The following MAST4 variants were observed in gnomAD, a reference collection of about 807,000 sequenced individuals.
MAST4 encodes microtubule associated serine/threonine kinase family member 4.
Under a neutral mutation model 162.7 loss-of-function variants are expected in MAST4, and 89 were observed. The ratio of observed to expected loss-of-function variants is 0.55; its 90% CI spans 0.46 to 0.65. MAST4 has a LOEUF of 0.65. MAST4 is among the 30% of genes least tolerant of loss of function. The pLI, the probability that MAST4 is intolerant of heterozygous loss-of-function variation, is 0.00. For missense variants in MAST4, 3,153 were observed against 3,374.0 expected (o/e 0.93, Z 1.62); for synonymous variants, 1,479 against 1,361.1 (o/e 1.09, Z -1.91).
chr5:67,101,328 TC>T (rs1765006367), intron 8 of MAST4, among the ~76,000 whole-genome samples: 1 of 152,200 alleles, frequency 6.6e-6, no homozygotes, highest in Admixed American at 6.5e-5. Context: ...AAATGCGACT[TC>T]TTTTATATCC....
chr5:66,886,725 T>C (rs1260947780), intron 3 of MAST4, among the ~76,000 whole-genome samples: 1 of 150,046 alleles, frequency 6.7e-6, no homozygotes, highest in Non-Finnish European at 1.5e-5. Context: ...ACTTGGTTAG[T>C]GTAATAGAAA....
intron 3 of MAST4, among the ~76,000 whole-genome samples, chr5:66,870,389 C>T (rs149681673): frequency 6.6e-6 from 1 of 152,174 alleles, no homozygotes; most frequent in African/African-American, 2.4e-5. Context: ...AAGAAGACTC[C>T]GCAGTGCTTT....
intron 3 of MAST4, among the ~76,000 whole-genome samples, chr5:66,803,788 A>G (rs1159528242): frequency 1.3e-5 from 2 of 152,046 alleles, no homozygotes; most frequent in Admixed American, 6.5e-5. Flanking sequence ...TCCTTTTCCA[A>G]TCTTTGTAGC....
At chr5:66,697,293 A>G (rs1476521449) in intron 1 of MAST4, among the ~76,000 whole-genome samples, 2 of 152,262 alleles carry the variant, frequency 1.3e-5, no homozygotes, top group Non-Finnish European at 1.5e-5. Context: ...TTAAGGAACC[A>G]GTATTTTCCA....
At chr5:66,744,613 T>G (rs1362407544) in intron 1 of MAST4, among the ~76,000 whole-genome samples, 1 of 151,918 alleles carries the variant, frequency 6.6e-6, no homozygotes, top group East Asian at 1.9e-4. Context: ...TGATGAAAGG[T>G]GAAGGGAAAG....
At chr5:66,944,082 A>G (rs946046146) in intron 4 of MAST4, among the ~76,000 whole-genome samples, 2 of 152,018 alleles carry the variant, frequency 1.3e-5, no homozygotes, top group African/African-American at 4.8e-5. Flanking sequence ...TTTCGAGGGT[A>G]TTTTCTGATT....
At position 66,624,658 on chromosome 5, in the gene MAST4, T is replaced by C. The variant is rs1048473423; in HGVS notation, c.363+27640T>C. 4.6e-5 allele frequency among the ~76,000 whole-genome samples: 7 copies of C among 152,192 alleles called. No individual in the cohort carries two copies. In the South Asian group the frequency reaches 6.2e-4, roughly 13 times the overall value. On this transcript the variant is annotated intron_variant, in intron 1 of 28. Transcript: ENST00000403625. The stretch of plus-strand genomic sequence containing the variant: ...GACTTCAAATTATATTACAACGCTA[T>C]AGTAATCACAACAGCATGGTACTGC...
At chr5:66,751,409 G>T (rs1241696442) in intron 1 of MAST4, among the ~76,000 whole-genome samples, 1 of 152,146 alleles carries the variant, frequency 6.6e-6, no homozygotes, top group African/African-American at 2.4e-5. Flanking sequence ...AAATTTAGAA[G>T]AATGTATAAC....
chr5:66,651,835 C>G (rs1389019420), intron 1 of MAST4, among the ~76,000 whole-genome samples: 1 of 152,194 alleles, frequency 6.6e-6, no homozygotes, highest in Non-Finnish European at 1.5e-5. Context: ...TTCCTCACTG[C>G]TGTGGGACTG....
chr5:67,043,691 A>C (rs1293987493), intron 4 of MAST4, among the ~76,000 whole-genome samples: 1 of 152,236 alleles, frequency 6.6e-6, no homozygotes, highest in Non-Finnish European at 1.5e-5. Flanking sequence ...TAATATACTT[A>C]CATTGAGTAC....
chr5:66,603,084 A>G (rs1286815074), intron 1 of MAST4, among the ~76,000 whole-genome samples: 1 of 152,206 alleles, frequency 6.6e-6, no homozygotes, highest in Non-Finnish European at 1.5e-5. Context: ...CAGGTACATA[A>G]TAAGCAAGAA....
At chr5:66,707,706 G>T (rs1218772964) in intron 1 of MAST4, among the ~76,000 whole-genome samples, 1 of 152,140 alleles carries the variant, frequency 6.6e-6, no homozygotes, top group Non-Finnish European at 1.5e-5. Flanking sequence ...TGAATTCTGA[G>T]TTCTGGGGGT....
intron 3 of MAST4, among the ~76,000 whole-genome samples, chr5:66,829,394 T>A (rs997637186): frequency 6.6e-6 from 1 of 152,166 alleles, no homozygotes; most frequent in Non-Finnish European, 1.5e-5. Flanking sequence ...AATTTGTTTA[T>A]GTTGAGATGA....
intron 4 of MAST4, among the ~76,000 whole-genome samples, chr5:66,901,787 A>G (rs1035501302): frequency 2.0e-5 from 3 of 152,128 alleles, no homozygotes; most frequent in Admixed American, 6.5e-5. Flanking sequence ...ATTAAGCACA[A>G]ATATTCCCCA....
At chr5:66,940,522 C>T (rs562402503) in intron 4 of MAST4, among the ~76,000 whole-genome samples, 13 of 152,124 alleles carry the variant, frequency 8.5e-5, no homozygotes, top group Non-Finnish European at 1.5e-4. Context: ...GGAGTAAATT[C>T]TACCTCAAGA....
rs1413599199 is a variant in MAST4, at chr5:66,913,488, T to TTAGTCAA, written c.674+13506_674+13507insTAGTCAA. Among the ~76,000 whole-genome samples, 455 of 152,340 alleles carry TTAGTCAA rather than the reference T, an allele frequency of 3.0e-3. 1 individual carries two copies. Among genetic ancestry groups the TTAGTCAA allele is most frequent in the African/African-American group, 0.01 (418 of 41,572 alleles). ...AGAGTTGTTTTGCTAAGTAATATCC[T>TTAGTCAA]ATTGAATGACTGTGTCAGTTTCATT... On this transcript the variant is annotated intron_variant, in intron 4 of 28. Transcript: ENST00000403625.
intron 11 of MAST4, among the ~76,000 whole-genome samples, chr5:67,111,604 AAC>A (rs1766255575): frequency 6.6e-6 from 1 of 152,198 alleles, no homozygotes. Context: ...ATGGTTAGTT[AAC>A]TTTTTACTGC....
chr5:66,786,880 C>T (rs1242473658), intron 2 of MAST4, among the ~76,000 whole-genome samples: 1 of 152,154 alleles, frequency 6.6e-6, no homozygotes, highest in Non-Finnish European at 1.5e-5. Flanking sequence ...ACATTTGCTA[C>T]ATTTATTTGC....
In MAST4 at chr5:66,825,261, G is replaced by GAGAC. The variant is rs1451713039; in HGVS notation, c.642+36468_642+36469insGACA. ...TTTAACCTTTTTTGTTAAAAACTAA[G>GAGAC]ACACACACACACACACACACACACA... On this transcript the variant is annotated intron_variant, in intron 3 of 28. Transcript: ENST00000403625. 2.2e-4 allele frequency among the ~76,000 whole-genome samples: 30 copies of GAGAC among 135,648 alleles called. 1 individual carries two copies. The highest frequency in any genetic ancestry group is 8.0e-4 in the African/African-American group (29 of 36,196). 89.0% of individuals were successfully genotyped at this position (135,648 alleles called of 152,430 possible). A position where few individuals can be genotyped will look rare whatever the true frequency, so the allele number is the denominator to read the frequency against.
Sources: gnomAD v4.1 joint callset for allele counts (sites outside exome capture counted in the v4.1 genomes callset) on GRCh38, gnomAD v4.1.1 for gene constraint, MANE v1.5 for transcripts, NCBI Gene and HGNC (gene_info 2026-07-23, HGNC 2026-07-21) for gene names.